Variants in NIPA1 observed in about 807,000 individuals in gnomAD.
The protein encoded by NIPA1 is NIPA magnesium transporter 1.
A neutral mutation model predicts 23.9 loss-of-function variants in NIPA1; 13 were observed. The observed-to-expected ratio is 0.54, with a 90% CI of 0.35 to 0.87. NIPA1 has a LOEUF of 0.87. Ranked by LOEUF, NIPA1 falls within the 40% of genes least tolerant of loss-of-function variation. NIPA1 has a pLI of 0.01. For missense variants in NIPA1, 362 were observed against 429.7 expected (o/e 0.84, Z 1.39); for synonymous variants, 234 against 202.9 (o/e 1.15, Z -1.30).
chr15:22,820,415 C>T lies in NIPA1; in HGVS notation c.420C>T (p.Ser140=). The T allele has an allele frequency of 6.2e-7, 1 of 1,612,454 alleles. No homozygotes were observed. The highest frequency in any genetic ancestry group is 2.2e-5 in the East Asian group (1 of 44,870). ...CAGSVVLIIH[S]PKSESVTTQA... is the part of the protein sequence containing the mutation. Reference sequence around the variant, plus strand: ...GCTCCGTCGTGCTGATTATCCACTCCCCAAAGTCTGAGAGTGTGACAACTC... The same window carrying T: ...GCTCCGTCGTGCTGATTATCCACTCTCCAAAGTCTGAGAGTGTGACAACTC... The change falls in exon 4 of 5, where the codon TCC becomes TCT. Residue 140 remains serine, a synonymous_variant. Transcript: ENST00000337435.
Position 22,823,713 on chromosome 15 carries a change from CT to C in NIPA1, c.479-14del. On this transcript the variant is annotated splice_polypyrimidine_tract_variant and intron_variant, in intron 4 of 4. Coordinates refer to ENST00000337435, the MANE Select transcript of NIPA1 (RefSeq NM_144599.5). ...GGCGGTGGCTCCGGGTGACTGTGTG[CT>C]GTCTGTGTTCCAGTGTTTGTGGGCT... is the stretch of plus-strand genomic sequence containing the variant. 6.3e-7 allele frequency: 1 copy of C among 1,596,750 alleles called. No individual in the cohort carries two copies. Among genetic ancestry groups the C allele is most frequent in the East Asian group, 2.2e-5 (1 of 44,534 alleles).
rs145965590 is a variant in NIPA1 at position 22,822,769 on chromosome 15, G to A, written c.479-959G>A. Among the ~76,000 whole-genome samples, 1,122 of 152,050 alleles carry A rather than the reference G, an allele frequency of 7.4e-3. 15 individuals carry two copies. Among genetic ancestry groups the A allele is most frequent in the African/African-American group, 0.026 (1,063 of 41,486 alleles). ...TTGAACCTGGGAGGTGGAGGTTGCA[G>A]TGAGCAGAGATCGTGCTATTGCAAT... is the stretch of plus-strand genomic sequence containing the variant. On this transcript the variant is annotated intron_variant, in intron 4 of 4. Coordinates refer to ENST00000337435, the MANE Select transcript of NIPA1 (RefSeq NM_144599.5).
At chr15:22,823,143 TCTC>T (rs80127543) in intron 4 of NIPA1, among the ~76,000 whole-genome samples, 52,427 of 150,272 alleles carry the variant, frequency 0.35, 10,548 homozygotes, top group East Asian at 0.58. Context: ...ATGGTATTGA[TCTC>T]CTGATCGGCC....
At chr15:22,806,198 C>T (rs903125525) in intron 1 of NIPA1, among the ~76,000 whole-genome samples, 3 of 152,336 alleles carry the variant, frequency 2.0e-5, no homozygotes, top group Admixed American at 2.0e-4. Flanking sequence ...GCCGGGATTA[C>T]AGGCGTGAGC....
intron 1 of NIPA1, among the ~76,000 whole-genome samples, chr15:22,800,002 G>A (rs993944210): frequency 1.3e-5 from 2 of 151,302 alleles, no homozygotes; most frequent in African/African-American, 2.4e-5. Flanking sequence ...ATAGACACTG[G>A]GGACTGCTAG....
At chr15:22,815,857 A>C (rs1895403644) in intron 3 of NIPA1, among the ~76,000 whole-genome samples, 1 of 152,208 alleles carries the variant, frequency 6.6e-6, no homozygotes, top group African/African-American at 2.4e-5. Flanking sequence ...TGATCATCTC[A>C]AAAGACACAC....
intron 1 of NIPA1, among the ~76,000 whole-genome samples, chr15:22,789,176 A>G (rs1423384343): frequency 1.3e-5 from 2 of 151,718 alleles, no homozygotes; most frequent in Admixed American, 1.3e-4. Context: ...TTTACTGGAG[A>G]TGGGGTTTCA....
chr15:22,811,302 T>C, intron 2 of NIPA1, among the ~76,000 whole-genome samples: 1 of 152,256 alleles, frequency 6.6e-6, no homozygotes, highest in East Asian at 1.9e-4. Context: ...ACAATTGTCT[T>C]TGAAATTCAG....
chr15:22,808,232 C>T (rs1305315732), intron 1 of NIPA1, among the ~76,000 whole-genome samples: 4 of 152,214 alleles, frequency 2.6e-5, no homozygotes, highest in Non-Finnish European at 5.9e-5. Flanking sequence ...TTGATTAGCA[C>T]ATTTAGAAAT....
chr15:22,819,973 C>A (rs904008352), intron 3 of NIPA1, among the ~76,000 whole-genome samples: 2 of 152,174 alleles, frequency 1.3e-5, no homozygotes, highest in Non-Finnish European at 2.9e-5. Context: ...GCAAGAGGAT[C>A]GTTTGAGCCC....
chr15:22,793,840 G>A (rs1894885878), intron 1 of NIPA1, among the ~76,000 whole-genome samples: 1 of 152,118 alleles, frequency 6.6e-6, no homozygotes. Flanking sequence ...TTTCCCCAGT[G>A]TATGTTCTTG....
chr15:22,804,332 A>G (rs532684663), intron 1 of NIPA1, among the ~76,000 whole-genome samples: 1 of 151,910 alleles, frequency 6.6e-6, no homozygotes, highest in Admixed American at 6.6e-5. Context: ...CATCTTGGCC[A>G]GGCTGGTCTT....
At position 22,788,244 on chromosome 15, in the gene NIPA1, G is replaced by A. The variant is rs528375154; in HGVS notation, c.178+1410G>A. 4.6e-5 allele frequency among the ~76,000 whole-genome samples: 7 copies of A among 152,236 alleles called. No individual in the cohort carries two copies. In the South Asian group the frequency reaches 1.2e-3, roughly 27 times the overall value. On this transcript the variant is annotated intron_variant, in intron 1 of 4. Transcript: ENST00000337435. Reference sequence around the variant, plus strand: ...CGGCCGGGCGCGGTGGCTGGTGCCTGTAGTCCCAGCACTTTGGGAGGCCGA... The same window carrying A: ...CGGCCGGGCGCGGTGGCTGGTGCCTATAGTCCCAGCACTTTGGGAGGCCGA...
intron 2 of NIPA1, 47 bp downstream of exon 2, chr15:22,810,843 C>G (rs1566784087): frequency 2.1e-6 from 3 of 1,448,352 alleles, no homozygotes; most frequent in Non-Finnish European, 2.9e-6. Flanking sequence ...TTCTTAGAAT[C>G]CATCACTGGT....
chr15:22,791,828 G>A (rs937989435), intron 1 of NIPA1, among the ~76,000 whole-genome samples: 5 of 152,166 alleles, frequency 3.3e-5, no homozygotes, highest in African/African-American at 4.8e-5. Context: ...ACTCCCAGTA[G>A]TCCAGGGAGC....
chr15:22,810,749 G>A lies in NIPA1; in HGVS notation c.179G>A (p.Gly60Asp). The A allele has an allele frequency of 6.2e-7, 1 of 1,600,368 alleles. No individual in the cohort carries two copies. ...KKGIVRAKRRGTSYLTDIVWW... is the reference protein window; with the variant it reads ...KKGIVRAKRRDTSYLTDIVWW... ...ACATTTTTTATCTCATTTTTTATAG[G>A]TACTTCCTATTTAACAGACATTGTG... is the stretch of plus-strand genomic sequence containing the variant. Residue 60 changes from glycine to aspartate, a missense_variant and splice_region_variant, in exon 2 of 5, where the codon GGT (glycine) becomes GAT (aspartate). By Grantham distance (94) the Gly-to-Asp change is moderately conservative. Around this residue, in one of 2 missense-constraint regions of NIPA1, gnomAD observed 277 missense variants for 372.0 expected, o/e 0.74. Coordinates refer to ENST00000337435, the MANE Select transcript of NIPA1 (RefSeq NM_144599.5).
chr15:22,820,848 A>C (rs775490546), intron 4 of NIPA1, among the ~76,000 whole-genome samples: 2 of 146,494 alleles, frequency 1.4e-5, no homozygotes, highest in African/African-American at 2.6e-5. Flanking sequence ...TACCCTGCCC[A>C]CTCTATCTCC....
chr15:22,815,569 C>T (rs1895399132), intron 3 of NIPA1, among the ~76,000 whole-genome samples: 1 of 152,078 alleles, frequency 6.6e-6, no homozygotes, highest in Admixed American at 6.6e-5. Context: ...AGTGAATTGA[C>T]ATTGAACCAC....
At chr15:22,810,290 G>A (rs116641855) in intron 1 of NIPA1, among the ~76,000 whole-genome samples, 17 of 152,106 alleles carry the variant, frequency 1.1e-4, no homozygotes, top group South Asian at 4.1e-4. Flanking sequence ...AAGAAGAGTC[G>A]TATCAGAAGA....
Sources: gnomAD v4.1 joint callset for allele counts (sites outside exome capture counted in the v4.1 genomes callset) on GRCh38, gnomAD v4.1.1 for gene constraint, gnomAD v4.1.1 regional missense constraint, MANE v1.5 for transcripts, NCBI Gene and HGNC (gene_info 2026-07-23, HGNC 2026-07-21) for gene names.